CNTN4: variants seen among roughly 807,000 people sequenced by gnomAD.
The protein encoded by CNTN4 is contactin-4.
In CNTN4, 77 loss-of-function variants were observed where a neutral mutation model predicts 122.5. The ratio of observed to expected loss-of-function variants is 0.63; its 90% CI spans 0.52 to 0.76. The LOEUF (loss-of-function observed/expected upper bound fraction) is 0.76. Ranked by LOEUF, CNTN4 falls within the 30% of genes least tolerant of loss-of-function variation. CNTN4 has a pLI of 0.00. For synonymous variants in CNTN4, 512 were observed against 447.0 expected (o/e 1.15, Z -1.83); for missense variants, 1,256 against 1,259.1 (o/e 1.00, Z 0.04).
intron 2 of CNTN4, among the ~76,000 whole-genome samples, chr3:2,150,968 C>T (rs1466732859): frequency 1.3e-5 from 2 of 152,108 alleles, no homozygotes; most frequent in Admixed American, 6.5e-5. Flanking sequence ...CCACCGGGAA[C>T]TATCGTAAGT....
intron 2 of CNTN4, among the ~76,000 whole-genome samples, chr3:2,127,479 C>G (rs950992894): frequency 3.3e-5 from 5 of 151,982 alleles, no homozygotes; most frequent in Non-Finnish European, 7.4e-5. Flanking sequence ...TGCCACAATC[C>G]TTTTAGAACA....
intron 4 of CNTN4, among the ~76,000 whole-genome samples, chr3:2,599,836 G>A (rs1348045730): frequency 6.6e-6 from 1 of 152,034 alleles, no homozygotes; most frequent in Non-Finnish European, 1.5e-5. Flanking sequence ...AAGAAGCATT[G>A]GGTATGAATT....
At chr3:2,986,247 C>A (rs1004326693) in intron 13 of CNTN4, among the ~76,000 whole-genome samples, 9 of 152,146 alleles carry the variant, frequency 5.9e-5, no homozygotes, top group Non-Finnish European at 1.2e-4. Flanking sequence ...GAAAGAGAAC[C>A]ACTGCCTAGT....
At chr3:2,370,858 T>C (rs2045605667) in intron 3 of CNTN4, among the ~76,000 whole-genome samples, 1 of 152,168 alleles carries the variant, frequency 6.6e-6, no homozygotes, top group South Asian at 2.1e-4. Flanking sequence ...CCTCTTTTGG[T>C]GGAAGATTAG....
At chr3:2,948,801 A>G (rs2094705964) in intron 13 of CNTN4, among the ~76,000 whole-genome samples, 2 of 152,172 alleles carry the variant, frequency 1.3e-5, no homozygotes, top group African/African-American at 2.4e-5. Flanking sequence ...TAAATATACT[A>G]TGGTGTTTTT....
intron 4 of CNTN4, among the ~76,000 whole-genome samples, chr3:2,700,276 T>C (rs904865361): frequency 2.6e-5 from 4 of 152,344 alleles, no homozygotes; most frequent in African/African-American, 9.6e-5. Flanking sequence ...ATTCTAGAGA[T>C]AGTAAAACTG....
intron 9 of CNTN4, among the ~76,000 whole-genome samples, chr3:2,884,877 G>C (rs1250364684): frequency 6.6e-6 from 1 of 152,112 alleles, no homozygotes; most frequent in Non-Finnish European, 1.5e-5. Context: ...GAAATGTTTG[G>C]GTATGCACAT....
chr3:2,305,107 T>G (rs2042657060), intron 2 of CNTN4, among the ~76,000 whole-genome samples: 1 of 152,144 alleles, frequency 6.6e-6, no homozygotes, highest in Non-Finnish European at 1.5e-5. Flanking sequence ...TGCTCAGAGC[T>G]ATCAATTGTT....
chr3:2,919,015 AC>A (rs1469990080), intron 12 of CNTN4, among the ~76,000 whole-genome samples: 2 of 151,950 alleles, frequency 1.3e-5, no homozygotes, highest in Admixed American at 1.3e-4. Flanking sequence ...AGAGGCTCTT[AC>A]TTGAATTATG....
intron 2 of CNTN4, among the ~76,000 whole-genome samples, chr3:2,120,387 ATATATATATATATATATAT>A (rs1559260832): frequency 4.5e-5 from 4 of 89,422 alleles, no homozygotes; most frequent in Non-Finnish European, 4.1e-5. Flanking sequence ...ATATATATAT[ATATATATATATATATATAT>A]TTTTTTTTTT....
At chr3:2,526,103 C>T (rs929820613) in intron 3 of CNTN4, among the ~76,000 whole-genome samples, 3 of 152,034 alleles carry the variant, frequency 2.0e-5, no homozygotes, top group African/African-American at 7.2e-5. Flanking sequence ...TTTATAATCC[C>T]GCCCACCCTC....
intron 6 of CNTN4, among the ~76,000 whole-genome samples, chr3:2,795,575 C>T (rs540249498): frequency 2.0e-5 from 3 of 147,408 alleles, no homozygotes; most frequent in East Asian, 4.0e-4. Flanking sequence ...GGCTGGAGTG[C>T]GGTGGTGCCA....
rs996346664 is a variant in CNTN4, at chr3:2,761,769, C to G, written c.358+16072C>G. 2.6e-5 allele frequency among the ~76,000 whole-genome samples: 4 copies of G among 152,120 alleles called. No individual in the cohort carries two copies. In the South Asian group the frequency reaches 8.3e-4, roughly 32 times the overall value. ...ATTAGCTTCATTTTACTCTAACCAG[C>G]CATTTATCCTACATAAAATTCAAGG... On this transcript the variant is annotated intron_variant, in intron 6 of 24. Coordinates refer to ENST00000418658, the MANE Select transcript of CNTN4 (RefSeq NM_175607.3).
intron 4 of CNTN4, among the ~76,000 whole-genome samples, chr3:2,671,583 C>T (rs1208501547): frequency 6.6e-6 from 1 of 152,070 alleles, no homozygotes; most frequent in Admixed American, 6.5e-5. Context: ...GCCTTCTTCT[C>T]TCAACTCATC....
At chr3:2,161,530 A>G (rs927451217) in intron 2 of CNTN4, among the ~76,000 whole-genome samples, 1 of 152,098 alleles carries the variant, frequency 6.6e-6, no homozygotes, top group East Asian at 1.9e-4. Context: ...CAGTGGAGGC[A>G]GAGAGAGATG....
intron 6 of CNTN4, among the ~76,000 whole-genome samples, chr3:2,807,469 T>C (rs917236027): frequency 2.0e-5 from 3 of 152,044 alleles, no homozygotes; most frequent in African/African-American, 2.4e-5. Context: ...TTCATTTATA[T>C]ACAGAACTTT....
At chr3:2,247,508 T>C (rs749397071) in intron 2 of CNTN4, among the ~76,000 whole-genome samples, 4 of 151,986 alleles carry the variant, frequency 2.6e-5, no homozygotes, top group Non-Finnish European at 5.9e-5. Context: ...AAATCAGTTT[T>C]ACAGGGAAAA....
chr3:2,197,075 A>AAGT (rs1559333953), intron 2 of CNTN4, among the ~76,000 whole-genome samples: 1 of 151,476 alleles, frequency 6.6e-6, no homozygotes, highest in Non-Finnish European at 1.5e-5. Flanking sequence ...AAAAAAGAAG[A>AAGT]AGAAGAAATG....
intron 14 of CNTN4, among the ~76,000 whole-genome samples, chr3:3,024,385 A>T (rs1033395490): frequency 1.4e-4 from 8 of 57,076 alleles, no homozygotes; most frequent in Admixed American, 1.3e-3. Flanking sequence ...TTTCCTCATT[A>T]AAAAAAAAAA....
Sources: gnomAD v4.1 joint callset for allele counts (sites outside exome capture counted in the v4.1 genomes callset) on GRCh38, gnomAD v4.1.1 for gene constraint, MANE v1.5 for transcripts, NCBI Gene and HGNC (gene_info 2026-07-23, HGNC 2026-07-21) for gene names.